The following HBS1L variants were observed in gnomAD, a reference collection of about 807,000 sequenced individuals.
HBS1L encodes the protein HBS1 like translational GTPase.
HBS1L carries 55 observed loss-of-function variants against 88.9 expected under a neutral mutation model. The ratio of observed to expected loss-of-function variants is 0.62; its 90% CI spans 0.50 to 0.77. HBS1L has a LOEUF of 0.77. Ranked by LOEUF, HBS1L falls within the 30% of genes least tolerant of loss-of-function variation. The probability of loss-of-function intolerance (pLI) is 0.00; values close to 1 mark genes in which losing one functional copy is unlikely to be tolerated. For synonymous variants in HBS1L, 267 were observed against 288.5 expected (o/e 0.93, Z 0.76); for missense variants, 741 against 829.3 (o/e 0.89, Z 1.31).
rs758199088 is a variant in HBS1L, at chr6:134,963,618, C to T, written c.*1661G>A. The T allele has an allele frequency of 3.9e-5, 6 of 152,194 alleles. No individual in the cohort carries two copies. The highest frequency in any genetic ancestry group is 8.8e-5 in the Non-Finnish European group (6 of 68,066). 9.4% of individuals were successfully genotyped at this position (152,194 alleles called of 1,614,324 possible). ...AATTTTTTCTGTAGAGACATGGTCTCACTATATTGCCTTAGCTGGTCTCAA... is the reference window on the plus strand; with the variant it reads ...AATTTTTTCTGTAGAGACATGGTCTTACTATATTGCCTTAGCTGGTCTCAA... On this transcript the variant is annotated 3_prime_UTR_variant, in exon 18 of 18. Transcript: ENST00000367837.
chr6:135,032,750 T>TA, intron 4 of HBS1L, among the ~76,000 whole-genome samples: 1 of 152,260 alleles, frequency 6.6e-6, no homozygotes, highest in East Asian at 1.9e-4. Flanking sequence ...AGCACCTTAT[T>TA]AGTTTTATCC....
intron 13 of HBS1L, among the ~76,000 whole-genome samples, chr6:134,980,923 T>G (rs562177402): frequency 2.0e-5 from 3 of 152,012 alleles, no homozygotes; most frequent in Non-Finnish European, 2.9e-5. Context: ...AAGGTTAGAA[T>G]GGAGGAAGGA....
chr6:135,029,492 AG>A (rs1301447426), intron 4 of HBS1L, among the ~76,000 whole-genome samples: 4 of 152,120 alleles, frequency 2.6e-5, no homozygotes, highest in African/African-American at 9.6e-5. Flanking sequence ...TTTATATATA[AG>A]AAATATAAAT....
At chr6:135,003,568 TAA>T (rs35996451) in intron 4 of HBS1L, among the ~76,000 whole-genome samples, 11 of 128,276 alleles carry the variant, frequency 8.6e-5, no homozygotes, top group Admixed American at 2.4e-4. Context: ...CTCCATCTCT[TAA>T]AAAAAAAAAA....
chr6:134,987,602 T>C, intron 9 of HBS1L, 43 bp downstream of exon 9: 1 of 1,494,636 alleles, frequency 6.7e-7, no homozygotes, highest in Non-Finnish European at 9.1e-7. Flanking sequence ...GAATAACATC[T>C]TAATTAGCAT....
rs1474668804 is a variant in HBS1L at position 134,961,915 on chromosome 6, T to G, written c.*3364A>C. 1 of 152,154 alleles carries G rather than the reference T, an allele frequency of 6.6e-6. No homozygotes were observed. The highest frequency in any genetic ancestry group is 2.4e-5 in the African/African-American group (1 of 41,428). The allele number at this position is 152,154 out of a possible 1,614,324, so 9.4% of individuals were successfully genotyped here. A position where few individuals can be genotyped will look rare whatever the true frequency, so the allele number is the denominator to read the frequency against. On this transcript the variant is annotated 3_prime_UTR_variant, in exon 18 of 18. Coordinates refer to ENST00000367837, the MANE Select transcript of HBS1L (RefSeq NM_006620.4). Reference sequence around the variant, plus strand: ...CAAATGATGAGCATCAACAAATGTTTGCCGCAGAATTTTCTACCATCACCT... The same window carrying G: ...CAAATGATGAGCATCAACAAATGTTGGCCGCAGAATTTTCTACCATCACCT...
chr6:135,038,007 A>G (rs1173608001), intron 4 of HBS1L: 1 of 1,516,414 alleles, frequency 6.6e-7, no homozygotes, highest in Non-Finnish European at 8.8e-7. Flanking sequence ...CTGAAACTTC[A>G]GAAGAAGAAA....
intron 2 of HBS1L, among the ~76,000 whole-genome samples, chr6:135,048,263 CA>C (rs2114925142): frequency 6.6e-6 from 1 of 152,298 alleles, no homozygotes; most frequent in Non-Finnish European, 1.5e-5. Flanking sequence ...CCAGTAACTG[CA>C]ATTAATATCC....
At chr6:135,032,465 T>C (rs988326219) in intron 4 of HBS1L, among the ~76,000 whole-genome samples, 12 of 152,146 alleles carry the variant, frequency 7.9e-5, no homozygotes, top group African/African-American at 2.9e-4. Context: ...AATCCCTCCC[T>C]GTCTAGTCCA....
chr6:135,005,074 A>T (rs1583101527), intron 4 of HBS1L, among the ~76,000 whole-genome samples: 1 of 152,328 alleles, frequency 6.6e-6, no homozygotes, highest in African/African-American at 2.4e-5. Context: ...TGGGCCAGTC[A>T]ACTGAATGAA....
At chr6:135,043,523 G>C (rs1025591026) in intron 2 of HBS1L, among the ~76,000 whole-genome samples, 1 of 152,188 alleles carries the variant, frequency 6.6e-6, no homozygotes, top group East Asian at 1.9e-4. Context: ...ATACTCGGAA[G>C]GTTAAAGCAT....
At chr6:134,989,230 A>G (rs564511856) in intron 8 of HBS1L, among the ~76,000 whole-genome samples, 11 of 152,354 alleles carry the variant, frequency 7.2e-5, no homozygotes, top group African/African-American at 2.4e-4. Flanking sequence ...ATTTCTGTCA[A>G]TGCACTGTAG....
intron 4 of HBS1L, chr6:135,036,797 T>C (rs1261672826): frequency 6.4e-7 from 1 of 1,551,696 alleles, no homozygotes; most frequent in Non-Finnish European, 8.7e-7. Context: ...GCAAGGGCCT[T>C]GGTCCAAGAG....
At chr6:135,037,717 G>A (rs773051123) in intron 4 of HBS1L, 118 of 1,550,738 alleles carry the variant, frequency 7.6e-5, no homozygotes, top group Admixed American at 2.0e-5. Flanking sequence ...CAGACTGTCT[G>A]TAGATGATAA....
At chr6:135,025,928 G>T (rs1053547332) in intron 4 of HBS1L, among the ~76,000 whole-genome samples, 22 of 152,164 alleles carry the variant, frequency 1.4e-4, no homozygotes, top group African/African-American at 5.1e-4. Flanking sequence ...AGAACAGAGG[G>T]AGAGTGGGAA....
intron 14 of HBS1L, 109 bp from the exon 15 acceptor site, chr6:134,978,896 G>T: frequency 1.5e-6 from 1 of 688,532 alleles, no homozygotes; most frequent in South Asian, 1.9e-5. Flanking sequence ...AGTAAATTAG[G>T]GACTTTTTCT....
At chr6:135,005,063 CT>C (rs1775573498) in intron 4 of HBS1L, among the ~76,000 whole-genome samples, 1 of 152,166 alleles carries the variant, frequency 6.6e-6, no homozygotes, top group Non-Finnish European at 1.5e-5. Context: ...ATCTGGGGCT[CT>C]GGGCCAGTCA....
intron 4 of HBS1L, among the ~76,000 whole-genome samples, chr6:135,011,217 T>C (rs1775763743): frequency 6.6e-6 from 1 of 152,184 alleles, no homozygotes; most frequent in Non-Finnish European, 1.5e-5. Flanking sequence ...AAATTTGTTA[T>C]AAAAATTTCT....
Position 135,042,106 on chromosome 6 carries a change from G to A in HBS1L, c.130C>T (p.Arg44Trp), listed in dbSNP as rs113665733. Residue 44 changes from arginine to tryptophan, a missense_variant, in exon 3 of 18, where the codon CGG (arginine) becomes TGG (tryptophan). By Grantham distance (101) the Arg-to-Trp change is moderately radical. Around this residue, in one of 3 missense-constraint regions of HBS1L, gnomAD observed 556 missense variants for 598.4 expected, o/e 0.93. Coordinates refer to ENST00000367837, the MANE Select transcript of HBS1L (RefSeq NM_006620.4). ...PSTAAQFIYS[R>W]RDKPSVEPVE... ...GGCTCAACGGAAGGTTTGTCACGCC[G>A]TGAATAAATAAACTGAGCAGCTAGA... 715 of 1,612,452 alleles carry A rather than the reference G, an allele frequency of 4.4e-4. 5 individuals carry two copies. The African/African-American group carries it at 7.8e-3, about 18-fold the overall frequency.
Sources: gnomAD v4.1 joint callset for allele counts (sites outside exome capture counted in the v4.1 genomes callset) on GRCh38, gnomAD v4.1.1 for gene constraint, gnomAD v4.1.1 regional missense constraint, MANE v1.5 for transcripts, NCBI Gene and HGNC (gene_info 2026-07-23, HGNC 2026-07-21) for gene names.